Variants in DEF6 observed in about 807,000 individuals in gnomAD.
The protein encoded by DEF6 is differentially expressed in FDCP 6 homolog.
In DEF6, 32 loss-of-function variants were observed where a neutral mutation model predicts 80.5. The ratio of observed to expected loss-of-function variants is 0.40; its 90% CI spans 0.30 to 0.53. DEF6 has a LOEUF of 0.53. DEF6 is among the 20% of genes least tolerant of loss of function. The pLI is 0.57. For synonymous variants in DEF6, 300 were observed against 337.9 expected (o/e 0.89, Z 1.23); for missense variants, 575 against 818.7 (o/e 0.70, Z 3.63).
At chr6:35,303,031 C>G (rs1411542125) in intron 1 of DEF6, among the ~76,000 whole-genome samples, 2 of 152,150 alleles carry the variant, frequency 1.3e-5, no homozygotes, top group African/African-American at 4.8e-5. Context: ...GCAGCATGAC[C>G]CCTCCCCTAG....
chr6:35,318,525 A>AG lies in DEF6; in HGVS notation c.1215+58dup. The AG allele has an allele frequency of 7.4e-7, 1 of 1,349,556 alleles. No individual in the cohort carries two copies. Among genetic ancestry groups the AG allele is most frequent in the Non-Finnish European group, 9.5e-7 (1 of 1,057,828 alleles). 83.6% of individuals were successfully genotyped at this position (1,349,556 alleles called of 1,614,324 possible). On this transcript the variant is annotated intron_variant, in intron 7 of 10. Coordinates refer to ENST00000316637, the MANE Select transcript of DEF6 (RefSeq NM_022047.4). This position sits in a 1 kb window ranked among gnomAD's most constrained non-coding sequence, Gnocchi z 5.1. ...GGACCGGTGGGCTGGGAGGCTGGCC[A>AG]GGGGCGGAGCGCCGGGGGCGGGGCC...
chr6:35,311,479 C>G (rs1791466251), intron 3 of DEF6, among the ~76,000 whole-genome samples: 1 of 152,172 alleles, frequency 6.6e-6, no homozygotes, highest in African/African-American at 2.4e-5. Context: ...ACTAAACACC[C>G]AAACAAGACC....
chr6:35,302,339 A>G (rs1411658106), intron 1 of DEF6, among the ~76,000 whole-genome samples: 1 of 152,110 alleles, frequency 6.6e-6, no homozygotes, highest in Admixed American at 6.6e-5. Context: ...AGCCTGGGCA[A>G]TAGAGTGAGA....
chr6:35,308,117 G>A (rs1288325486), intron 1 of DEF6, among the ~76,000 whole-genome samples: 1 of 152,212 alleles, frequency 6.6e-6, no homozygotes, highest in African/African-American at 2.4e-5. Context: ...GGCACATTTA[G>A]TTTCAACCTC....
intron 1 of DEF6, among the ~76,000 whole-genome samples, chr6:35,300,025 TTTG>T (rs1467090349): frequency 3.9e-5 from 6 of 151,994 alleles, no homozygotes; most frequent in Admixed American, 2.0e-4. Context: ...AATCTGGTTT[TTTG>T]TTGTTGTTTT....
At chr6:35,298,346 C>G (rs889926332) in intron 1 of DEF6, among the ~76,000 whole-genome samples, 1 of 152,114 alleles carries the variant, frequency 6.6e-6, no homozygotes, top group African/African-American at 2.4e-5. Flanking sequence ...TCCTGACTTT[C>G]AAGAGAAACA....
At chr6:35,310,410 G>A (rs189613298) in intron 2 of DEF6, 49 bp from the exon 3 acceptor site, 89 of 1,598,236 alleles carry the variant, frequency 5.6e-5, no homozygotes, top group East Asian at 2.2e-4. Flanking sequence ...GCCTAGTGTC[G>A]TGGTAGAGCT....
Position 35,319,183 on chromosome 6 carries a change from TTATAA to T in DEF6, c.1216-338_1216-334del, listed in dbSNP as rs1791557892. Among the ~76,000 whole-genome samples, 2 of 151,926 alleles carry T rather than the reference TTATAA, an allele frequency of 1.3e-5. No homozygotes were observed. Among genetic ancestry groups the T allele is most frequent in the South Asian group, 4.1e-4 (2 of 4,828 alleles). Reference sequence around the variant, plus strand: ...CATGATTATAACATATTATTATATATTATAATAATTATTAAGTTAGTGCTAGGAAG... The same window carrying T: ...CATGATTATAACATATTATTATATATTAATTATTAAGTTAGTGCTAGGAAG... On this transcript the variant is annotated intron_variant, in intron 7 of 10. Coordinates refer to ENST00000316637, the MANE Select transcript of DEF6 (RefSeq NM_022047.4). The surrounding 1 kb of genome is among the most constrained non-coding windows in gnomAD (Gnocchi z 4.5).
At chr6:35,308,741 A>AAAT (rs1562148044) in intron 1 of DEF6, among the ~76,000 whole-genome samples, 365 of 148,312 alleles carry the variant, frequency 2.5e-3, no homozygotes, top group African/African-American at 7.2e-3. Context: ...TAAAATAATA[A>AAAT]AATAAAATAA....
intron 1 of DEF6, among the ~76,000 whole-genome samples, chr6:35,301,814 C>T (rs1343785947): frequency 1.3e-5 from 2 of 150,406 alleles, no homozygotes; most frequent in Non-Finnish European, 2.9e-5. Context: ...GCAACCTCCA[C>T]CTCCCAGGTT....
intron 1 of DEF6, among the ~76,000 whole-genome samples, chr6:35,306,576 G>A (rs1306812949): frequency 6.6e-6 from 1 of 151,758 alleles, no homozygotes. Context: ...TTAACAGTTT[G>A]TGAGTCTTCT....
intron 1 of DEF6, among the ~76,000 whole-genome samples, chr6:35,308,015 G>A (rs1209995961): frequency 6.6e-6 from 1 of 152,196 alleles, no homozygotes; most frequent in African/African-American, 2.4e-5. Flanking sequence ...GGGACATAAA[G>A]ATGAACAGAG....
intron 2 of DEF6, 132 bp downstream of exon 2, chr6:35,309,942 C>A: frequency 9.1e-7 from 1 of 1,096,328 alleles, no homozygotes. Flanking sequence ...CTGTCCGTGA[C>A]TGCTGTCCCA....
intron 1 of DEF6, 48 bp from the exon 2 acceptor site, chr6:35,309,622 T>C (rs1170571091): frequency 6.3e-7 from 1 of 1,595,638 alleles, no homozygotes; most frequent in Non-Finnish European, 8.6e-7. Context: ...TCTGGCCCAG[T>C]TTTGGTTGGG....
At chr6:35,305,051 C>T (rs954158669) in intron 1 of DEF6, among the ~76,000 whole-genome samples, 13 of 145,428 alleles carry the variant, frequency 8.9e-5, no homozygotes, top group Admixed American at 5.4e-4. Context: ...CAGGAGGGCT[C>T]TTCCTGCCTC....
intron 5 of DEF6, chr6:35,317,681 C>A: frequency 1.9e-6 from 1 of 516,714 alleles, no homozygotes; most frequent in Non-Finnish European, 3.4e-6. Context: ...GGAAACGCAC[C>A]CACCTAGCCT....
At chr6:35,309,890 CCAA>C (rs1791440887) in intron 2 of DEF6, 80 bp downstream of exon 2, 1 of 1,529,586 alleles carries the variant, frequency 6.5e-7, no homozygotes, top group Admixed American at 1.8e-5. Flanking sequence ...CCTTGCCACT[CCAA>C]CTCTTCGCCC....
chr6:35,315,869 T>TTGAG (rs869247113), intron 5 of DEF6, among the ~76,000 whole-genome samples: 1 of 147,152 alleles, frequency 6.8e-6, no homozygotes, highest in African/African-American at 2.5e-5. Flanking sequence ...TTTTTTTTTT[T>TTGAG]GAGGAGGAGG....
Position 35,318,518 on chromosome 6 carries a change from G to C in DEF6, c.1215+47G>C, listed in dbSNP as rs6899744. 1.3e-4 allele frequency: 175 copies of C among 1,357,288 alleles called. No individual in the cohort carries two copies. Among genetic ancestry groups the C allele is most frequent in the Non-Finnish European group, 1.6e-4 (166 of 1,062,568 alleles). The allele number at this position is 1,357,288 out of a possible 1,614,324, so 84.1% of individuals were successfully genotyped here. A position where few individuals can be genotyped will look rare whatever the true frequency, so the allele number is the denominator to read the frequency against. On this transcript the variant is annotated intron_variant, in intron 7 of 10. Coordinates refer to ENST00000316637, the MANE Select transcript of DEF6 (RefSeq NM_022047.4). This position sits in a 1 kb window ranked among gnomAD's most constrained non-coding sequence, Gnocchi z 5.1. ...GGGGACGGGACCGGTGGGCTGGGAGGCTGGCCAGGGGCGGAGCGCCGGGGG... is the reference window on the plus strand; with the variant it reads ...GGGGACGGGACCGGTGGGCTGGGAGCCTGGCCAGGGGCGGAGCGCCGGGGG...
Sources: gnomAD v4.1 joint callset for allele counts (sites outside exome capture counted in the v4.1 genomes callset) on GRCh38, gnomAD v4.1.1 for gene constraint, Gnocchi (gnomAD v3.1) non-coding constraint, MANE v1.5 for transcripts, NCBI Gene and HGNC (gene_info 2026-07-23, HGNC 2026-07-21) for gene names.